CORO7: variants seen among roughly 807,000 people sequenced by gnomAD.
The protein encoded by CORO7 is coronin-7.
CORO7 carries 107 observed loss-of-function variants against 126.6 expected under a neutral mutation model. The ratio of observed to expected loss-of-function variants is 0.85; its 90% CI spans 0.72 to 0.99. The LOEUF is 0.99. CORO7 is among the 50% of genes least tolerant of loss of function. The pLI is 0.00. For missense variants in CORO7, 1,314 were observed against 1,255.8 expected (o/e 1.05, Z -0.70); for synonymous variants, 603 against 536.8 (o/e 1.12, Z -1.70).
chr16:4,355,649 T>G, intron 26 of CORO7: 1 of 400,266 alleles, frequency 2.5e-6, no homozygotes, highest in Non-Finnish European at 4.6e-6. Context: ...TTTGTATTTT[T>G]AGTAGAGACG....
intron 9 of CORO7, chr16:4,382,164 G>T (rs767568822): frequency 1.1e-5 from 18 of 1,593,914 alleles, no homozygotes; most frequent in Non-Finnish European, 1.5e-5. Context: ...ACCACCTGGC[G>T]TGCTTGTGCC....
At chr16:4,366,201 C>T (rs369941743) in intron 9 of CORO7, among the ~76,000 whole-genome samples, 1 of 152,220 alleles carries the variant, frequency 6.6e-6, no homozygotes, top group African/African-American at 2.4e-5. Flanking sequence ...AGGCCTGCTG[C>T]CCCGGCCGAG....
chr16:4,372,731 C>T (rs899615985), intron 9 of CORO7, among the ~76,000 whole-genome samples: 19 of 152,142 alleles, frequency 1.2e-4, no homozygotes, highest in Admixed American at 1.1e-3. Flanking sequence ...GCAGGCCAGC[C>T]GATTGGTGCC....
intron 9 of CORO7, among the ~76,000 whole-genome samples, chr16:4,375,754 C>T (rs1184986620): frequency 6.6e-6 from 1 of 152,230 alleles, no homozygotes; most frequent in Non-Finnish European, 1.5e-5. Context: ...TCCCAAAGTA[C>T]TGGGATTACA....
chr16:4,414,918 G>C (rs546543182), intron 1 of CORO7, among the ~76,000 whole-genome samples: 1 of 152,052 alleles, frequency 6.6e-6, no homozygotes, highest in Non-Finnish European at 1.5e-5. Context: ...CTGGTGTGTA[G>C]TGGCACAATC....
At chr16:4,368,818 TAGAA>T (rs1350587526) in intron 9 of CORO7, among the ~76,000 whole-genome samples, 2 of 143,360 alleles carry the variant, frequency 1.4e-5, no homozygotes, top group Non-Finnish European at 3.0e-5. Flanking sequence ...AAAATAAAAA[TAGAA>T]AGAGGATAGG....
At chr16:4,395,268 C>T in intron 7 of CORO7, 21 bp downstream of exon 7, 2 of 1,613,978 alleles carry the variant, frequency 1.2e-6, no homozygotes, top group East Asian at 2.2e-5. Context: ...CAACCCACCC[C>T]AGCTTGCCCA....
intron 7 of CORO7, among the ~76,000 whole-genome samples, chr16:4,389,308 G>A (rs2055305525): frequency 6.6e-6 from 1 of 152,176 alleles, no homozygotes; most frequent in Non-Finnish European, 1.5e-5. Flanking sequence ...CATGGTGGGT[G>A]GGGCCCTGTC....
chr16:4,402,855 T>C (rs961178485), intron 6 of CORO7, among the ~76,000 whole-genome samples: 5 of 152,108 alleles, frequency 3.3e-5, no homozygotes, highest in South Asian at 2.1e-4. Flanking sequence ...CCTAGCGGCC[T>C]CCTGCCCCTT....
At chr16:4,392,210 G>T (rs983305902) in intron 7 of CORO7, among the ~76,000 whole-genome samples, 1 of 152,158 alleles carries the variant, frequency 6.6e-6, no homozygotes, top group Non-Finnish European at 1.5e-5. Flanking sequence ...AGAACAGCCT[G>T]GGCTCCAGGG....
intron 14 of CORO7, among the ~76,000 whole-genome samples, chr16:4,363,930 A>G (rs1409260015): frequency 6.6e-6 from 1 of 152,102 alleles, no homozygotes. Flanking sequence ...GAGGCAGGAG[A>G]ATCACTTGAA....
At chr16:4,393,511 G>T (rs1451158142) in intron 7 of CORO7, among the ~76,000 whole-genome samples, 1 of 152,194 alleles carries the variant, frequency 6.6e-6, no homozygotes, top group African/African-American at 2.4e-5. Context: ...GGACAAAAGT[G>T]GAACTGACTG....
At chr16:4,409,551 A>G (rs940773955) in intron 3 of CORO7, among the ~76,000 whole-genome samples, 1 of 152,258 alleles carries the variant, frequency 6.6e-6, no homozygotes, top group Non-Finnish European at 1.5e-5. Context: ...GTGGCACTGC[A>G]GCAGCATCCC....
chr16:4,404,211 T>A (rs1230162072), intron 6 of CORO7, among the ~76,000 whole-genome samples: 4 of 152,218 alleles, frequency 2.6e-5, no homozygotes, highest in African/African-American at 9.6e-5. Context: ...CTAGCTCCTG[T>A]TCGGCTCCAT....
chr16:4,407,096 T>C (rs1408162173), intron 5 of CORO7, among the ~76,000 whole-genome samples: 2 of 151,666 alleles, frequency 1.3e-5, no homozygotes, highest in South Asian at 2.1e-4. Context: ...TACAGGTGTG[T>C]GCCACCACGC....
At chr16:4,377,418 C>G (rs893330284) in intron 9 of CORO7, among the ~76,000 whole-genome samples, 4 of 152,124 alleles carry the variant, frequency 2.6e-5, no homozygotes, top group African/African-American at 9.7e-5. Context: ...CACGCACACA[C>G]CAAGCACACG....
intron 1 of CORO7, chr16:4,416,043 G>T: frequency 3.2e-6 from 1 of 314,168 alleles, no homozygotes; most frequent in Non-Finnish European, 4.7e-6. Flanking sequence ...CCACAGCCCA[G>T]CCAGGGGCAG....
At chr16:4,402,014 C>T (rs768091043) in intron 6 of CORO7, among the ~76,000 whole-genome samples, 17 of 151,336 alleles carry the variant, frequency 1.1e-4, no homozygotes, top group Non-Finnish European at 2.9e-5. Context: ...TCTCGGCTCA[C>T]CGCAACCTCC....
intron 9 of CORO7, chr16:4,382,084 G>A: frequency 6.3e-7 from 1 of 1,585,080 alleles, no homozygotes; most frequent in Non-Finnish European, 8.6e-7. Context: ...TGTAGGGCCT[G>A]TCCCCCAGCC....
Sources: allele counts gnomAD v4.1 joint callset (sites outside exome capture counted in the v4.1 genomes callset), GRCh38; gene constraint gnomAD v4.1.1; transcripts MANE v1.5; gene names NCBI Gene and HGNC (gene_info 2026-07-23, HGNC 2026-07-21).